The following CNTNAP5 variants were observed in gnomAD, a reference collection of about 807,000 sequenced individuals.
CNTNAP5 encodes the protein contactin associated protein family member 5.
A neutral mutation model predicts 150.2 loss-of-function variants in CNTNAP5; 72 were observed. The ratio of observed to expected loss-of-function variants is 0.48; its 90% CI spans 0.40 to 0.58. The LOEUF is 0.58. CNTNAP5 is among the 20% of genes least tolerant of loss of function. The pLI is 0.00. For missense variants in CNTNAP5, 1,636 were observed against 1,626.2 expected (o/e 1.01, Z -0.10); for synonymous variants, 672 against 619.8 (o/e 1.08, Z -1.25).
At chr2:124,035,375 T>G (rs1681185354) in intron 1 of CNTNAP5, among the ~76,000 whole-genome samples, 1 of 148,920 alleles carries the variant, frequency 6.7e-6, no homozygotes, top group Admixed American at 6.8e-5. Flanking sequence ...CTCTCGTCTC[T>G]CTTCCCCATG....
Position 124,772,992 on chromosome 2 carries a change from G to A in CNTNAP5, c.2727G>A (p.Leu909=), listed in dbSNP as rs1259176471. ...RETSEEGHFR[L]QLNSQLFVGG... Reference sequence around the variant, plus strand: ...CGTCGGAGGAGGGCCATTTTCGACTGCAGCTGAACAGCCAGTTGTTTGTAG... The same window carrying A: ...CGTCGGAGGAGGGCCATTTTCGACTACAGCTGAACAGCCAGTTGTTTGTAG... The change falls in exon 17 of 24, where the codon CTG becomes CTA. Residue 909 remains leucine (L), a synonymous_variant. Transcript: ENST00000682447. 2.5e-6 allele frequency: 4 copies of A among 1,613,176 alleles called. No individual in the cohort carries two copies. The highest frequency in any genetic ancestry group is 2.2e-5 in the South Asian group (2 of 91,054).
intron 19 of CNTNAP5, 92 bp from the exon 20 acceptor site, chr2:124,865,214 G>T: frequency 1.0e-6 from 1 of 974,552 alleles, no homozygotes; most frequent in Non-Finnish European, 1.5e-6. Flanking sequence ...AAGACCTGGG[G>T]CCCTAATAAT....
rs1011145016 is a variant in CNTNAP5 at position 124,784,933 on chromosome 2, T to A, written c.2753-4969T>A. Among the ~76,000 whole-genome samples, 3 of 151,562 alleles carry A rather than the reference T, an allele frequency of 2.0e-5. No homozygotes were observed. The South Asian group carries it at 6.2e-4, about 31-fold the overall frequency. On this transcript the variant is annotated intron_variant, in intron 17 of 23. Transcript: ENST00000682447. The stretch of plus-strand genomic sequence containing the variant: ...TTTCCCATTGACAATTTAATGAGTT[T>A]AGTATAAAGTTTCTAGCCTACAACT...
chr2:124,799,487 T>C (rs1681920218), intron 19 of CNTNAP5, among the ~76,000 whole-genome samples: 1 of 152,210 alleles, frequency 6.6e-6, no homozygotes, highest in South Asian at 2.1e-4. Context: ...CCCTTTGTCA[T>C]CTGCTGGTAT....
intron 12 of CNTNAP5, among the ~76,000 whole-genome samples, chr2:124,610,723 G>A (rs1238557199): frequency 6.6e-6 from 1 of 152,000 alleles, no homozygotes; most frequent in East Asian, 1.9e-4. Context: ...CACTTTGGGA[G>A]GCCTAGGCAG....
chr2:124,835,630 A>G lies in CNTNAP5; in HGVS notation c.3218-29676A>G, dbSNP rs1573649615. On this transcript the variant is annotated intron_variant, in intron 19 of 23. Transcript: ENST00000682447. ...ATTTGACATTACCCCGTCCCCAGGCATGATGTTAAGTGTCAGGCTTCTGGA... is the reference window on the plus strand; with the variant it reads ...ATTTGACATTACCCCGTCCCCAGGCGTGATGTTAAGTGTCAGGCTTCTGGA... Among the ~76,000 whole-genome samples the G allele has an allele frequency of 3.9e-5, 6 of 152,298 alleles. 2 individuals carry two copies. The highest frequency in any genetic ancestry group is 3.9e-4 in the Admixed American group (6 of 15,278).
intron 19 of CNTNAP5, among the ~76,000 whole-genome samples, chr2:124,827,389 G>T (rs77781515): frequency 0.013 from 2,018 of 152,226 alleles, 37 homozygotes; most frequent in African/African-American, 0.047. Flanking sequence ...TCCTTGTACT[G>T]GTCCTCTCTG....
chr2:124,593,487 A>G (rs1696750848), intron 11 of CNTNAP5, among the ~76,000 whole-genome samples: 1 of 90,638 alleles, frequency 1.1e-5, no homozygotes, highest in Non-Finnish European at 2.2e-5. Context: ...ATGGCTGCCT[A>G]GTATTCCATG....
At chr2:124,732,545 C>T (rs987030513) in intron 13 of CNTNAP5, among the ~76,000 whole-genome samples, 1 of 152,046 alleles carries the variant, frequency 6.6e-6, no homozygotes, top group Non-Finnish European at 1.5e-5. Context: ...TTCCCTGATC[C>T]AGAAAGTGAG....
rs372353108 is a variant in CNTNAP5 at position 124,914,202 on chromosome 2, T to C, written c.3838T>C (p.Tyr1280His). Residue 1280 changes from tyrosine (Y) to histidine (H), a missense_variant, in exon 24 of 24, where the codon TAT (tyrosine) becomes CAT (histidine). Transcript: ENST00000682447. ...TACGAGCCAGATGAAGGAGAAGGAA[T>C]ATCCAGAAAATTTGGACAGTTCCTT... The part of the protein sequence containing the change: ...HRTSQMKEKE[Y>H]PENLDSSFRN... The C allele has an allele frequency of 4.7e-5, 76 of 1,612,538 alleles. 1 individual carries two copies. The highest frequency in any genetic ancestry group is 6.2e-5 in the Non-Finnish European group (73 of 1,178,992).
intron 1 of CNTNAP5, among the ~76,000 whole-genome samples, chr2:124,185,651 C>A (rs1002631964): frequency 6.6e-6 from 1 of 152,148 alleles, no homozygotes; most frequent in African/African-American, 2.4e-5. Context: ...GAGCACCAGC[C>A]ACACTAAAGA....
At chr2:124,719,196 G>A (rs530674324) in intron 13 of CNTNAP5, among the ~76,000 whole-genome samples, 32 of 152,170 alleles carry the variant, frequency 2.1e-4, no homozygotes, top group African/African-American at 7.7e-4. Flanking sequence ...GCTATAAAAT[G>A]GCATAATAAA....
chr2:124,379,712 G>T (rs1360695671), intron 3 of CNTNAP5, among the ~76,000 whole-genome samples: 1 of 152,110 alleles, frequency 6.6e-6, no homozygotes, highest in Non-Finnish European at 1.5e-5. Context: ...GTGAGGTCTG[G>T]CAGCGCCCTC....
intron 1 of CNTNAP5, among the ~76,000 whole-genome samples, chr2:124,054,759 C>T (rs962712141): frequency 6.6e-6 from 1 of 152,136 alleles, no homozygotes; most frequent in African/African-American, 2.4e-5. Context: ...TCCTGCTGTT[C>T]GTTAGTAAAA....
chr2:124,898,454 G>T (rs139542293), intron 21 of CNTNAP5, among the ~76,000 whole-genome samples: 1,707 of 151,562 alleles, frequency 0.011, 17 homozygotes, highest in Non-Finnish European at 0.017. Context: ...TTGCGAATGT[G>T]TAAAGTGTTG....
At chr2:124,063,135 GT>G (rs1242877174) in intron 1 of CNTNAP5, among the ~76,000 whole-genome samples, 1 of 151,886 alleles carries the variant, frequency 6.6e-6, no homozygotes, top group African/African-American at 2.4e-5. Flanking sequence ...AATCTGTTTT[GT>G]TTTTTAATTC....
At chr2:124,605,178 CA>C (rs1412220655) in intron 11 of CNTNAP5, among the ~76,000 whole-genome samples, 1 of 152,222 alleles carries the variant, frequency 6.6e-6, no homozygotes, top group African/African-American at 2.4e-5. Flanking sequence ...CTGGCTGACC[CA>C]GCAGCTGACT....
At chr2:124,703,212 C>CTTTCTTCTTCCTTCCTTCCTCCTCCCTT (rs1679560710) in intron 13 of CNTNAP5, among the ~76,000 whole-genome samples, 2 of 147,778 alleles carry the variant, frequency 1.4e-5, no homozygotes, top group African/African-American at 5.0e-5. Context: ...CCTTCTCCCT[C>CTTTCTTCTTCCTTCCTTCCTCCTCCCTT]TCTTTCTTCT....
At chr2:124,519,396 G>T (rs1694804128) in intron 8 of CNTNAP5, among the ~76,000 whole-genome samples, 3 of 152,182 alleles carry the variant, frequency 2.0e-5, no homozygotes, top group Admixed American at 2.0e-4. Context: ...AAGCAAAGTA[G>T]AATTCAGTAG....
Sources: allele counts gnomAD v4.1 joint callset (sites outside exome capture counted in the v4.1 genomes callset), GRCh38; gene constraint gnomAD v4.1.1; transcripts MANE v1.5; gene names NCBI Gene and HGNC (gene_info 2026-07-23, HGNC 2026-07-21).